Variants in RGS6 observed in about 807,000 individuals in gnomAD.
RGS6 encodes the protein regulator of G-protein signaling 6.
Under a neutral mutation model 78.5 loss-of-function variants are expected in RGS6, and 30 were observed. The observed-to-expected ratio is 0.38, with a 90% CI of 0.29 to 0.52. RGS6 has a LOEUF of 0.52. Among genes scored for constraint, RGS6 ranks in the 20% least tolerant of loss-of-function variants. RGS6 has a pLI of 0.85. For synonymous variants in RGS6, 206 were observed against 206.0 expected (o/e 1.00, Z 0.00); for missense variants, 495 against 609.7 (o/e 0.81, Z 1.98).
chr14:72,161,552 A>C (rs2096853775), intron 2 of RGS6, among the ~76,000 whole-genome samples: 1 of 152,184 alleles, frequency 6.6e-6, no homozygotes, highest in Non-Finnish European at 1.5e-5. Flanking sequence ...CCCCAGAGCC[A>C]GTCTTGGATG....
In RGS6 at chr14:72,232,874, G is replaced by C. The variant is rs150065848; in HGVS notation, c.85-119221G>C. ...CAGAACATGGGATTGACTGCCCTGG[G>C]AGGGCCTGGCAAGCCTGAGGCTGGC... On this transcript the variant is annotated intron_variant, in intron 2 of 17. Transcript: ENST00000553525. Among the ~76,000 whole-genome samples the C allele has an allele frequency of 3.6e-3, 541 of 152,302 alleles. 4 individuals carry two copies. Among genetic ancestry groups the C allele is most frequent in the African/African-American group, 0.013 (526 of 41,558 alleles).
chr14:72,073,278 C>T (rs764563907), intron 2 of RGS6, among the ~76,000 whole-genome samples: 8 of 152,062 alleles, frequency 5.3e-5, no homozygotes, highest in South Asian at 2.1e-4. Flanking sequence ...TTAAGTGAAA[C>T]GATGTATAAC....
At chr14:72,008,417 G>C (rs1454580969) in intron 2 of RGS6, among the ~76,000 whole-genome samples, 1 of 152,086 alleles carries the variant, frequency 6.6e-6, no homozygotes, top group African/African-American at 2.4e-5. Flanking sequence ...GGAGTCCTTG[G>C]GAGCCAAAGG....
At chr14:72,098,149 A>G (rs1051031675) in intron 2 of RGS6, among the ~76,000 whole-genome samples, 30 of 152,132 alleles carry the variant, frequency 2.0e-4, no homozygotes, top group African/African-American at 7.0e-4. Flanking sequence ...CACCTAGAGC[A>G]ACCCCCTCCA....
the RGS6 span, among the ~76,000 whole-genome samples, chr14:72,585,121 C>A: frequency 1.3e-5 from 2 of 152,180 alleles, no homozygotes; most frequent in Non-Finnish European, 2.9e-5. Context: ...CCTGAGAATA[C>A]TAACGACTCC....
chr14:72,009,317 C>G (rs1274279207), intron 2 of RGS6, among the ~76,000 whole-genome samples: 1 of 152,122 alleles, frequency 6.6e-6, no homozygotes, highest in African/African-American at 2.4e-5. Flanking sequence ...CACTGAACTC[C>G]CGCCTAGGTG....
chr14:72,129,886 C>G (rs1272430556), intron 2 of RGS6, among the ~76,000 whole-genome samples: 1 of 152,150 alleles, frequency 6.6e-6, no homozygotes, highest in Non-Finnish European at 1.5e-5. Context: ...GTTTTCCCAT[C>G]GATAACTGGT....
intron 3 of RGS6, among the ~76,000 whole-genome samples, chr14:72,359,547 A>G (rs1459388269): frequency 6.6e-6 from 1 of 152,174 alleles, no homozygotes; most frequent in Non-Finnish European, 1.5e-5. Context: ...AGCCATCAGC[A>G]TGTAGACAGT....
At chr14:72,203,178 A>C (rs977411008) in intron 2 of RGS6, among the ~76,000 whole-genome samples, 1 of 151,976 alleles carries the variant, frequency 6.6e-6, no homozygotes, top group Non-Finnish European at 1.5e-5. Flanking sequence ...CCCTGCCCTG[A>C]TCCTGTTTTT....
intron 3 of RGS6, among the ~76,000 whole-genome samples, chr14:72,409,586 T>C (rs138986855): frequency 9.8e-5 from 15 of 152,290 alleles, no homozygotes; most frequent in African/African-American, 3.6e-4. Flanking sequence ...TATTATACTT[T>C]AAGTTTTAGG....
At chr14:72,135,880 G>T (rs2096429908) in intron 2 of RGS6, among the ~76,000 whole-genome samples, 1 of 152,112 alleles carries the variant, frequency 6.6e-6, no homozygotes, top group Admixed American at 6.6e-5. Context: ...AGGAAGAGGA[G>T]GAGGAGAGGA....
chr14:72,440,937 C>A (rs758908297), intron 3 of RGS6, among the ~76,000 whole-genome samples: 1 of 150,016 alleles, frequency 6.7e-6, no homozygotes, highest in African/African-American at 2.4e-5. Flanking sequence ...TATGTGTGAG[C>A]GTTGCATGCA....
intron 2 of RGS6, among the ~76,000 whole-genome samples, chr14:72,067,859 G>C (rs191610998): frequency 2.7e-4 from 41 of 152,228 alleles, no homozygotes; most frequent in African/African-American, 9.6e-4. Flanking sequence ...ATGGTCTAGA[G>C]GCCAGCACCA....
At chr14:72,422,523 C>T (rs763445675) in intron 3 of RGS6, among the ~76,000 whole-genome samples, 9 of 152,136 alleles carry the variant, frequency 5.9e-5, no homozygotes, top group Non-Finnish European at 1.3e-4. Flanking sequence ...AAAGAAGTCT[C>T]GCTTTTTTTG....
At chr14:72,535,331 G>A (rs1262187421) in intron 15 of RGS6, among the ~76,000 whole-genome samples, 8 of 152,222 alleles carry the variant, frequency 5.3e-5, no homozygotes, top group African/African-American at 1.2e-4. Context: ...CTTCCAGGAC[G>A]AGGTGGTGGC....
chr14:72,268,103 A>C (rs2059354034), intron 2 of RGS6, among the ~76,000 whole-genome samples: 2 of 152,178 alleles, frequency 1.3e-5, no homozygotes, highest in African/African-American at 4.8e-5. Flanking sequence ...GTATTTGTTG[A>C]AATTTTCCTG....
At chr14:72,556,696 G>T (rs1053552334) in intron 17 of RGS6, among the ~76,000 whole-genome samples, 1 of 122,346 alleles carries the variant, frequency 8.2e-6, no homozygotes, top group African/African-American at 3.2e-5. Context: ...GGGGCGGGGT[G>T]GGGGGTGCTG....
intron 2 of RGS6, among the ~76,000 whole-genome samples, chr14:72,339,409 C>A (rs2681771): frequency 0.47 from 70,840 of 151,994 alleles, 16,836 homozygotes; most frequent in South Asian, 0.59. Context: ...TAAGTTACCC[C>A]GGCAAAGATA....
At chr14:72,538,176 G>A (rs779245612) in intron 16 of RGS6, among the ~76,000 whole-genome samples, 6 of 152,134 alleles carry the variant, frequency 3.9e-5, no homozygotes, top group African/African-American at 9.7e-5. Flanking sequence ...TTTGTAACTC[G>A]GCACTTTCAG....
Sources: gnomAD v4.1 joint callset for allele counts (sites outside exome capture counted in the v4.1 genomes callset) on GRCh38, gnomAD v4.1.1 for gene constraint, MANE v1.5 for transcripts, NCBI Gene and HGNC (gene_info 2026-07-23, HGNC 2026-07-21) for gene names.